Variants in GRIA4 observed in about 807,000 individuals in gnomAD.
The protein encoded by GRIA4 is glutamate receptor 4.
In GRIA4, 34 loss-of-function variants were observed where a neutral mutation model predicts 104.0. That is an observed-to-expected ratio of 0.33 (90% CI 0.25 to 0.44). The LOEUF (loss-of-function observed/expected upper bound fraction) is 0.44. Among genes scored for constraint, GRIA4 ranks in the 20% least tolerant of loss-of-function variants. The pLI is 1.00. For synonymous variants in GRIA4, 386 were observed against 381.9 expected (o/e 1.01, Z -0.13); for missense variants, 750 against 1,096.5 (o/e 0.68, Z 4.46).
At chr11:105,633,000 A>T (rs1209108003) in intron 3 of GRIA4, among the ~76,000 whole-genome samples, 1 of 152,210 alleles carries the variant, frequency 6.6e-6, no homozygotes, top group Non-Finnish European at 1.5e-5. Context: ...GGTGCTGTTC[A>T]CCAGGAAATA....
chr11:105,888,422 T>G (rs1257691439), intron 6 of GRIA4, among the ~76,000 whole-genome samples: 3 of 150,938 alleles, frequency 2.0e-5, no homozygotes, highest in Non-Finnish European at 4.4e-5. Flanking sequence ...TAGCTGGGAC[T>G]ACAGGTGCCC....
intron 3 of GRIA4, among the ~76,000 whole-genome samples, chr11:105,694,856 C>T (rs1443861089): frequency 6.6e-6 from 1 of 152,122 alleles, no homozygotes; most frequent in Non-Finnish European, 1.5e-5. Context: ...TTTCAAGTGG[C>T]TGCCATATTA....
chr11:105,950,943 A>T (rs1224250421), intron 14 of GRIA4, among the ~76,000 whole-genome samples: 1 of 152,144 alleles, frequency 6.6e-6, no homozygotes, highest in South Asian at 2.1e-4. Flanking sequence ...AGAACACTGG[A>T]CCAGAAGGCA....
At chr11:105,779,039 G>GT (rs1235002067) in intron 4 of GRIA4, among the ~76,000 whole-genome samples, 11 of 144,836 alleles carry the variant, frequency 7.6e-5, no homozygotes, top group African/African-American at 2.9e-4. Flanking sequence ...TGCGGTGTTT[G>GT]GTTTTTTGTC....
At chr11:105,725,681 G>A (rs1433571882) in intron 3 of GRIA4, among the ~76,000 whole-genome samples, 2 of 152,116 alleles carry the variant, frequency 1.3e-5, no homozygotes, top group Non-Finnish European at 2.9e-5. Flanking sequence ...TTCTGCATTT[G>A]CAACTGAGGA....
chr11:105,773,490 T>C (rs571995112), intron 4 of GRIA4, among the ~76,000 whole-genome samples: 4 of 152,302 alleles, frequency 2.6e-5, no homozygotes, highest in Non-Finnish European at 4.4e-5. Flanking sequence ...TTAAAAATTA[T>C]AGAGTTTTAA....
chr11:105,947,704 C>T (rs564052644), intron 14 of GRIA4, among the ~76,000 whole-genome samples: 45 of 152,262 alleles, frequency 3.0e-4, no homozygotes, highest in Admixed American at 6.5e-4. Context: ...CAACTTCTGA[C>T]AAGTAGCAAA....
intron 10 of GRIA4, chr11:105,911,960 A>G: frequency 6.6e-7 from 1 of 1,523,214 alleles, no homozygotes; most frequent in Non-Finnish European, 8.9e-7. Context: ...CTAAGGCTCA[A>G]GTCTTGTTCT....
At chr11:105,799,287 T>C (rs778915617) in intron 4 of GRIA4, among the ~76,000 whole-genome samples, 8 of 152,088 alleles carry the variant, frequency 5.3e-5, no homozygotes, top group Non-Finnish European at 1.0e-4. Context: ...AGCAGTTTCA[T>C]TGAATAGAGT....
At chr11:105,847,916 C>T (rs1168832640) in intron 4 of GRIA4, among the ~76,000 whole-genome samples, 1 of 152,048 alleles carries the variant, frequency 6.6e-6, no homozygotes, top group East Asian at 1.9e-4. Flanking sequence ...GGTGAGCCTG[C>T]CAGAATAGGT....
At chr11:105,612,601 T>G in intron 3 of GRIA4, 167 bp downstream of exon 3, 2 of 420,448 alleles carry the variant, frequency 4.8e-6, no homozygotes, top group Non-Finnish European at 7.7e-6. Flanking sequence ...TCAGGGATAT[T>G]TAGTTGTTTT....
intron 3 of GRIA4, among the ~76,000 whole-genome samples, chr11:105,742,760 T>A (rs1424471947): frequency 6.6e-6 from 1 of 151,934 alleles, no homozygotes; most frequent in Non-Finnish European, 1.5e-5. Flanking sequence ...AAAAAATCAG[T>A]TTTTTGTGTT....
intron 14 of GRIA4, among the ~76,000 whole-genome samples, chr11:105,966,842 C>A (rs1232059951): frequency 6.6e-6 from 1 of 152,100 alleles, no homozygotes; most frequent in East Asian, 1.9e-4. Context: ...AAATTTCTCA[C>A]CCGATCTAAA....
intron 10 of GRIA4, among the ~76,000 whole-genome samples, chr11:105,918,487 G>C (rs558758276): frequency 2.0e-5 from 3 of 152,136 alleles, no homozygotes; most frequent in Admixed American, 1.3e-4. Flanking sequence ...TTCTCAAATG[G>C]AAATTTAAAG....
At chr11:105,722,891 C>T (rs1157040361) in intron 3 of GRIA4, among the ~76,000 whole-genome samples, 3 of 152,038 alleles carry the variant, frequency 2.0e-5, no homozygotes, top group African/African-American at 7.2e-5. Context: ...ATATTATCGC[C>T]AAACTAATAA....
rs1408219904 is a variant in GRIA4 at position 105,674,478 on chromosome 11, C to T, written c.247+62044C>T. On this transcript the variant is annotated intron_variant, in intron 3 of 16. Transcript: ENST00000282499. ...GTTGGAAGAAAAGCGATGGAGCAGA[C>T]GGCCTATGAATATAGTAGTAACACT... Among the ~76,000 whole-genome samples, 17 of 151,532 alleles carry T rather than the reference C, an allele frequency of 1.1e-4. No homozygotes were observed. The East Asian group carries it at 1.6e-3, about 14-fold the overall frequency.
intron 3 of GRIA4, among the ~76,000 whole-genome samples, chr11:105,722,875 G>C (rs1294354727): frequency 1.3e-5 from 2 of 152,052 alleles, no homozygotes; most frequent in East Asian, 1.9e-4. Flanking sequence ...TTTTTACAGT[G>C]AAATAATATT....
At chr11:105,774,678 A>G (rs1170497702) in intron 4 of GRIA4, among the ~76,000 whole-genome samples, 2 of 152,158 alleles carry the variant, frequency 1.3e-5, no homozygotes, top group Non-Finnish European at 2.9e-5. Context: ...CAAAATTTAT[A>G]GCCCTATCAA....
At chr11:105,686,407 T>C (rs1370870853) in intron 3 of GRIA4, among the ~76,000 whole-genome samples, 3 of 152,224 alleles carry the variant, frequency 2.0e-5, no homozygotes, top group African/African-American at 7.2e-5. Flanking sequence ...CATTACTTCA[T>C]GCTTTTTTAT....
Sources: allele counts gnomAD v4.1 joint callset (sites outside exome capture counted in the v4.1 genomes callset), GRCh38; gene constraint gnomAD v4.1.1; transcripts MANE v1.5; gene names NCBI Gene and HGNC (gene_info 2026-07-23, HGNC 2026-07-21).